TUSC3: variants seen among roughly 807,000 people sequenced by gnomAD.
TUSC3 encodes dolichyl-diphosphooligosaccharide--protein glycosyltransferase subunit TUSC3.
Under a neutral mutation model 44.8 loss-of-function variants are expected in TUSC3, and 45 were observed. The observed-to-expected ratio is 1.00, with a 90% confidence interval of 0.79 to 1.29. The LOEUF is 1.29. TUSC3 is among the 50% of genes most tolerant of loss of function. The pLI, the probability that TUSC3 is intolerant of heterozygous loss-of-function variation, is 0.00. For synonymous variants in TUSC3, 212 were observed against 152.9 expected (o/e 1.39, Z -2.85); for missense variants, 519 against 437.9 (o/e 1.19, Z -1.65).
chr8:15,565,703 T>G (rs1015589196), intron 1 of TUSC3, among the ~76,000 whole-genome samples: 7 of 152,130 alleles, frequency 4.6e-5, no homozygotes, highest in African/African-American at 1.7e-4. Flanking sequence ...TTGGAACACA[T>G]GCAGTGGTTT....
At chr8:15,575,825 A>G (rs914402708) in intron 1 of TUSC3, among the ~76,000 whole-genome samples, 6 of 152,240 alleles carry the variant, frequency 3.9e-5, no homozygotes, top group South Asian at 2.1e-4. Context: ...CATAGTTTAT[A>G]TCATTTTTTT....
chr8:15,643,330 C>T (rs1806470248), intron 2 of TUSC3, among the ~76,000 whole-genome samples: 1 of 151,678 alleles, frequency 6.6e-6, no homozygotes, highest in African/African-American at 2.4e-5. Flanking sequence ...ACGAACAATG[C>T]GTTAAATGAT....
Position 15,659,493 on chromosome 8 carries a change from C to G in TUSC3, c.427-14C>G, listed in dbSNP as rs370586836. 1 of 1,610,030 alleles carries G rather than the reference C, an allele frequency of 6.2e-7. No homozygotes were observed. The highest frequency in any genetic ancestry group is 8.5e-7 in the Non-Finnish European group (1 of 1,179,058). ...ATGATCCTATATTTAGTATTTTTTT[C>G]TCATGTTTTACAGCTCAACATGAAC... On this transcript the variant is annotated splice_polypyrimidine_tract_variant and intron_variant, in intron 3 of 10. Coordinates refer to ENST00000503731, the MANE Select transcript of TUSC3 (RefSeq NM_006765.4).
At chr8:15,638,759 C>G (rs1035776082) in intron 2 of TUSC3, among the ~76,000 whole-genome samples, 2 of 152,168 alleles carry the variant, frequency 1.3e-5, no homozygotes, top group Non-Finnish European at 2.9e-5. Context: ...CTCCCAACCT[C>G]AAGTGATCCA....
intron 1 of TUSC3, among the ~76,000 whole-genome samples, chr8:15,555,806 G>C (rs1406620598): frequency 6.6e-6 from 1 of 151,282 alleles, no homozygotes; most frequent in Non-Finnish European, 1.5e-5. Flanking sequence ...CTTTTGTTTA[G>C]AAGTATTAAC....
rs1563247238 is a variant in TUSC3, at chr8:15,423,987, T to TGG, written n.91+6682_91+6683insGG. Among the ~76,000 whole-genome samples, 89 of 124,836 alleles carry TGG rather than the reference T, an allele frequency of 7.1e-4. 3 individuals are homozygous for TGG. Among genetic ancestry groups the TGG allele is most frequent in the East Asian group, 5.0e-3 (19 of 3,822 alleles). 81.9% of individuals were successfully genotyped at this position (124,836 alleles called of 152,430 possible). A position where few individuals can be genotyped will look rare whatever the true frequency, so the allele number is the denominator to read the frequency against. On this transcript the variant is annotated intron_variant and non_coding_transcript_variant, in intron 1 of 5. Transcript: ENST00000503191. ...TTGCTTTGTTTTTTTTTTTTTTTTTTTTTTTTTTTTTTTTTTTTTTGAGAA... is the reference window on the plus strand; with the variant it reads ...TTGCTTTGTTTTTTTTTTTTTTTTTTGGTTTTTTTTTTTTTTTTTTTTGAGAA...
intron 6 of TUSC3, among the ~76,000 whole-genome samples, chr8:15,713,580 A>T (rs1479612150): frequency 6.6e-6 from 1 of 152,132 alleles, no homozygotes; most frequent in South Asian, 2.1e-4. Flanking sequence ...CGAAGCCTAC[A>T]CACATCCGAG....
chr8:15,760,286 T>A (rs1281507486), intron 10 of TUSC3, among the ~76,000 whole-genome samples: 1 of 152,136 alleles, frequency 6.6e-6, no homozygotes, highest in African/African-American at 2.4e-5. Context: ...CCTGTACATA[T>A]TTTGAACCTT....
At chr8:15,819,455 C>G in the TUSC3 span, among the ~76,000 whole-genome samples, 4 of 152,118 alleles carry the variant, frequency 2.6e-5, no homozygotes, top group Admixed American at 2.6e-4. Context: ...CAGATCATTC[C>G]TAATTTATAT....
intron 1 of TUSC3, among the ~76,000 whole-genome samples, chr8:15,558,788 T>C (rs985462659): frequency 1.5e-5 from 2 of 137,150 alleles, no homozygotes; most frequent in Non-Finnish European, 3.2e-5. Context: ...TCTAGTTTAT[T>C]TGCATAGAGG....
chr8:15,457,359 G>A (rs1169363708), intron 1 of TUSC3, among the ~76,000 whole-genome samples: 1 of 151,442 alleles, frequency 6.6e-6, no homozygotes, highest in African/African-American at 2.4e-5. Flanking sequence ...AAATAGAAAA[G>A]TAGACTTTTC....
intron 1 of TUSC3, among the ~76,000 whole-genome samples, chr8:15,479,576 CA>C (rs1800631059): frequency 6.6e-6 from 1 of 152,016 alleles, no homozygotes; most frequent in Admixed American, 6.6e-5. Flanking sequence ...TAAGGTTTGT[CA>C]AAGATCAGAT....
intron 2 of TUSC3, among the ~76,000 whole-genome samples, chr8:15,491,392 C>T (rs1800807000): frequency 6.6e-6 from 1 of 152,040 alleles, no homozygotes; most frequent in South Asian, 2.1e-4. Flanking sequence ...GTGACCCAGT[C>T]CCCAGCTTGA....
the TUSC3 span, among the ~76,000 whole-genome samples, chr8:15,834,854 A>T: frequency 6.6e-6 from 1 of 152,190 alleles, no homozygotes; most frequent in Admixed American, 6.5e-5. Context: ...ATTTATAAGC[A>T]GATTTTTATA....
At chr8:15,653,476 T>C (rs1291696660) in intron 3 of TUSC3, among the ~76,000 whole-genome samples, 1 of 152,196 alleles carries the variant, frequency 6.6e-6, no homozygotes, top group Non-Finnish European at 1.5e-5. Context: ...AATCATTAAA[T>C]TCTTTTGTAT....
chr8:15,476,783 A>G (rs561192565), intron 1 of TUSC3, among the ~76,000 whole-genome samples: 36 of 152,326 alleles, frequency 2.4e-4, no homozygotes, highest in African/African-American at 6.7e-4. Flanking sequence ...GAGGTTTCCT[A>G]TTGGCCACTT....
chr8:15,525,813 CAA>C lies in TUSC3; in HGVS notation n.189+42333_189+42334del, dbSNP rs1801366056. Among the ~76,000 whole-genome samples, 7 of 152,126 alleles carry C rather than the reference CAA, an allele frequency of 4.6e-5. No individual in the cohort carries two copies. The South Asian group carries it at 1.5e-3, about 32-fold the overall frequency. ...GCCAGCAACAGCAGAGACACAGGTGCAAAAGTGTGTGCTGGGGTAAAGAGCCT... is the reference window on the plus strand; with the variant it reads ...GCCAGCAACAGCAGAGACACAGGTGCAAGTGTGTGCTGGGGTAAAGAGCCT... On this transcript the variant is annotated intron_variant and non_coding_transcript_variant, in intron 2 of 5. Transcript: ENST00000503191.
chr8:15,846,236 T>C, the TUSC3 span, among the ~76,000 whole-genome samples: 1 of 152,178 alleles, frequency 6.6e-6, no homozygotes, highest in Non-Finnish European at 1.5e-5. Flanking sequence ...TGTTGTTTTA[T>C]ATATAAACAC....
chr8:15,733,216 AT>A (rs1810793131), intron 7 of TUSC3, among the ~76,000 whole-genome samples: 1 of 152,194 alleles, frequency 6.6e-6, no homozygotes, highest in African/African-American at 2.4e-5. Flanking sequence ...GCAAAGCTGT[AT>A]TTACTCTCGA....
Sources: gnomAD v4.1 joint callset for allele counts (sites outside exome capture counted in the v4.1 genomes callset) on GRCh38, gnomAD v4.1.1 for gene constraint, MANE v1.5 for transcripts, NCBI Gene and HGNC (gene_info 2026-07-23, HGNC 2026-07-21) for gene names.